Variants in ADAMTS16 observed in about 807,000 individuals in gnomAD.
ADAMTS16 encodes the protein A disintegrin and metalloproteinase with thrombospondin motifs 16.
ADAMTS16 carries 94 observed loss-of-function variants against 145.8 expected under a neutral mutation model. That is an observed-to-expected ratio of 0.64 (90% CI 0.55 to 0.77). ADAMTS16 has a LOEUF of 0.77. Among genes scored for constraint, ADAMTS16 ranks in the 30% least tolerant of loss-of-function variants. The pLI, the probability that ADAMTS16 is intolerant of heterozygous loss-of-function variation, is 0.00. For synonymous variants in ADAMTS16, 659 were observed against 604.3 expected (o/e 1.09, Z -1.33); for missense variants, 1,585 against 1,591.5 (o/e 1.00, Z 0.07).
chr5:5,174,294 T>A (rs1184899439), intron 3 of ADAMTS16, among the ~76,000 whole-genome samples: 1 of 152,208 alleles, frequency 6.6e-6, no homozygotes, highest in African/African-American at 2.4e-5. Flanking sequence ...CCTGTATGGT[T>A]TCCACTGAGA....
chr5:5,309,585 C>T (rs1740333737), intron 21 of ADAMTS16, among the ~76,000 whole-genome samples: 2 of 152,290 alleles, frequency 1.3e-5, no homozygotes, highest in Non-Finnish European at 2.9e-5. Context: ...CAGCACAGAA[C>T]ATCAAAGCAC....
intron 6 of ADAMTS16, among the ~76,000 whole-genome samples, chr5:5,188,077 A>G (rs1735559353): frequency 1.3e-5 from 2 of 152,162 alleles, no homozygotes; most frequent in South Asian, 2.1e-4. Context: ...CCTTCAGCAT[A>G]TAGGTGGGAC....
At chr5:5,150,018 C>A (rs2126509434) in intron 3 of ADAMTS16, among the ~76,000 whole-genome samples, 1 of 152,256 alleles carries the variant, frequency 6.6e-6, no homozygotes, top group African/African-American at 2.4e-5. Flanking sequence ...TTTGTATGAA[C>A]ATGTGTCTTC....
chr5:5,192,272 C>T (rs189678144), intron 8 of ADAMTS16, among the ~76,000 whole-genome samples: 21 of 152,272 alleles, frequency 1.4e-4, no homozygotes, highest in African/African-American at 4.8e-4. Context: ...CTGTACACAC[C>T]TGTGCCTAAG....
chr5:5,271,731 C>T (rs1368327731), intron 18 of ADAMTS16, among the ~76,000 whole-genome samples: 1 of 152,182 alleles, frequency 6.6e-6, no homozygotes, highest in Non-Finnish European at 1.5e-5. Context: ...GAGACTTCCC[C>T]TCTGTTTTCA....
rs767928434 is a variant in ADAMTS16 at position 5,239,323 on chromosome 5, CTG to C, written c.2278+50_2278+51del. 1.1e-5 allele frequency: 17 copies of C among 1,503,744 alleles called. No individual in the cohort carries two copies. The South Asian group carries it at 2.4e-4, about 21-fold the overall frequency. The allele number at this position is 1,503,744 out of a possible 1,614,324, so 93.2% of individuals were successfully genotyped here. ...AAGCCTTGGGCAAAGAAGATTGTAA[CTG>C]GGGCTTCTTAGCAGAGCTTGAGGTG... is the stretch of plus-strand genomic sequence containing the variant. On this transcript the variant is annotated intron_variant, in intron 15 of 22. Coordinates refer to ENST00000274181, the MANE Select transcript of ADAMTS16 (RefSeq NM_139056.4).
intron 18 of ADAMTS16, among the ~76,000 whole-genome samples, chr5:5,280,551 C>T (rs1738863029): frequency 6.6e-6 from 1 of 152,160 alleles, no homozygotes; most frequent in African/African-American, 2.4e-5. Flanking sequence ...CCCGTTTAAA[C>T]ACCTCTGGCT....
intron 17 of ADAMTS16, among the ~76,000 whole-genome samples, chr5:5,247,004 GC>G (rs1194442138): frequency 1.3e-5 from 2 of 152,172 alleles, no homozygotes; most frequent in Non-Finnish European, 2.9e-5. Flanking sequence ...CAGTTGGGAC[GC>G]CTGTCTTCCT....
In ADAMTS16 at chr5:5,262,809, C is replaced by T. The variant is rs1013910041; in HGVS notation, c.2789+26C>T. 3.7e-6 allele frequency: 6 copies of T among 1,610,302 alleles called. No homozygotes were observed. In the African/African-American group the frequency reaches 8.0e-5, roughly 22 times the overall value. On this transcript the variant is annotated intron_variant, in intron 18 of 22. Coordinates refer to ENST00000274181, the MANE Select transcript of ADAMTS16 (RefSeq NM_139056.4). ...GTAAGAAGCATCGCGTTCATCAAAG[C>T]AGGTTTCCCAGTTTGCAGACGTGCT...
chr5:5,143,801 A>G (rs2126498238), intron 2 of ADAMTS16, among the ~76,000 whole-genome samples: 1 of 152,284 alleles, frequency 6.6e-6, no homozygotes. Flanking sequence ...ATGCAGCCAT[A>G]AAAAAAGAAT....
intron 3 of ADAMTS16, among the ~76,000 whole-genome samples, chr5:5,162,771 AGAGG>A (rs1488964922): frequency 6.6e-6 from 1 of 151,878 alleles, no homozygotes; most frequent in Non-Finnish European, 1.5e-5. Flanking sequence ...AGAGGAGAGG[AGAGG>A]AGAGGAGAGG....
intron 11 of ADAMTS16, among the ~76,000 whole-genome samples, chr5:5,231,889 C>G (rs753236520): frequency 1.3e-5 from 2 of 152,146 alleles, no homozygotes; most frequent in African/African-American, 2.4e-5. Context: ...AGCCCAGGTG[C>G]TTTGGGGGGA....
intron 17 of ADAMTS16, among the ~76,000 whole-genome samples, chr5:5,242,527 G>T (rs776004954): frequency 1.3e-5 from 2 of 152,078 alleles, no homozygotes; most frequent in African/African-American, 2.4e-5. Flanking sequence ...TCATGTTGAC[G>T]GTGAGAAACA....
At chr5:5,253,654 C>T (rs1262990207) in intron 17 of ADAMTS16, among the ~76,000 whole-genome samples, 2 of 152,134 alleles carry the variant, frequency 1.3e-5, no homozygotes, top group Non-Finnish European at 2.9e-5. Context: ...GCGTTCCCAC[C>T]CAGGGACCAC....
intron 9 of ADAMTS16, among the ~76,000 whole-genome samples, chr5:5,207,127 G>C (rs4702243): frequency 0.58 from 88,067 of 152,086 alleles, 26,002 homozygotes; most frequent in East Asian, 0.77. Context: ...TGAAGCTATA[G>C]ATTAAAATGG....
chr5:5,307,676 C>T (rs1242499413), intron 21 of ADAMTS16, among the ~76,000 whole-genome samples: 1 of 152,172 alleles, frequency 6.6e-6, no homozygotes, highest in Non-Finnish European at 1.5e-5. Context: ...TGAGTCAATT[C>T]CTTTCTCTCT....
intron 18 of ADAMTS16, among the ~76,000 whole-genome samples, chr5:5,295,125 A>G (rs1351531291): frequency 6.6e-6 from 1 of 152,254 alleles, no homozygotes; most frequent in African/African-American, 2.4e-5. Flanking sequence ...GGGTCTGCCT[A>G]TGGAAGGATC....
chr5:5,230,587 G>C (rs1490566597), intron 11 of ADAMTS16, among the ~76,000 whole-genome samples: 2 of 152,280 alleles, frequency 1.3e-5, no homozygotes, highest in East Asian at 3.9e-4. Context: ...CAGGACTGCA[G>C]GTTTCAAGGG....
chr5:5,180,105 A>G (rs562490463), intron 3 of ADAMTS16, among the ~76,000 whole-genome samples: 1 of 152,242 alleles, frequency 6.6e-6, no homozygotes, highest in African/African-American at 2.4e-5. Flanking sequence ...AATGTGAGCG[A>G]ACTCTCCCCG....
Sources: allele counts gnomAD v4.1 joint callset (sites outside exome capture counted in the v4.1 genomes callset), GRCh38; gene constraint gnomAD v4.1.1; transcripts MANE v1.5; gene names NCBI Gene and HGNC (gene_info 2026-07-23, HGNC 2026-07-21).